CEP63: variants seen among roughly 807,000 people sequenced by gnomAD.
CEP63 encodes centrosomal protein 63.
CEP63 carries 84 observed loss-of-function variants against 89.1 expected under a neutral mutation model. The ratio of observed to expected loss-of-function variants is 0.94; its 90% confidence interval spans 0.79 to 1.13. CEP63 has a LOEUF of 1.13. CEP63 is among the 50% of genes most tolerant of loss of function. CEP63 has a pLI of 0.00. For synonymous variants in CEP63, 267 were observed against 272.5 expected (o/e 0.98, Z 0.20); for missense variants, 838 against 813.3 (o/e 1.03, Z -0.37).
chr3:134,556,239 A>G (rs2110038958), intron 12 of CEP63, among the ~76,000 whole-genome samples: 1 of 152,080 alleles, frequency 6.6e-6, no homozygotes, highest in East Asian at 1.9e-4. Flanking sequence ...CTAAAACACC[A>G]AAAGCAATGG....
the CEP63 span, among the ~76,000 whole-genome samples, chr3:134,748,923 G>T: frequency 6.6e-6 from 1 of 152,280 alleles, no homozygotes; most frequent in Non-Finnish European, 1.5e-5. Context: ...AGGGCATCTG[G>T]GCATGAGGGA....
the CEP63 span, among the ~76,000 whole-genome samples, chr3:134,776,265 A>C: frequency 5.3e-5 from 8 of 152,362 alleles, no homozygotes; most frequent in South Asian, 1.7e-3. Context: ...TAGAAATATA[A>C]TGCAAGCCAC....
At chr3:134,739,407 C>T in the CEP63 span, among the ~76,000 whole-genome samples, 1 of 152,184 alleles carries the variant, frequency 6.6e-6, no homozygotes, top group African/African-American at 2.4e-5. Context: ...TATGACCCAT[C>T]AAATTCTTCC....
the CEP63 span, among the ~76,000 whole-genome samples, chr3:134,666,710 A>G: frequency 1.5e-3 from 228 of 152,242 alleles, 2 homozygotes; most frequent in African/African-American, 5.3e-3. Flanking sequence ...CTGTTGGAGG[A>G]GTCTCTGTGG....
At chr3:134,606,994 A>C in the CEP63 span, 17 of 983,396 alleles carry the variant, frequency 1.7e-5, 1 homozygote, top group Middle Eastern at 5.2e-4. Context: ...TACTCTGTAC[A>C]TAAGTATCAG....
intron 3 of CEP63, among the ~76,000 whole-genome samples, chr3:134,529,922 G>A (rs1176161028): frequency 7.4e-6 from 1 of 135,740 alleles, no homozygotes; most frequent in African/African-American, 2.8e-5. Context: ...CGCCCAGGCT[G>A]GAGTGCAGTG....
At chr3:134,764,072 T>C in the CEP63 span, among the ~76,000 whole-genome samples, 2 of 152,244 alleles carry the variant, frequency 1.3e-5, no homozygotes, top group African/African-American at 4.8e-5. Context: ...ATGGGCAATT[T>C]AGAAGCATAT....
At chr3:134,486,652 G>GC (rs1935533921) in intron 1 of CEP63, 4 of 584,380 alleles carry the variant, frequency 6.8e-6, no homozygotes, top group Non-Finnish European at 8.6e-6. Context: ...TGCCAGGGCT[G>GC]CTGTCTAGCT....
the CEP63 span, among the ~76,000 whole-genome samples, chr3:134,699,037 T>C: frequency 6.6e-6 from 1 of 152,188 alleles, no homozygotes; most frequent in Non-Finnish European, 1.5e-5. Flanking sequence ...GTGGGCTTGC[T>C]TGGGGCTCTA....
chr3:134,627,178 T>C, the CEP63 span, among the ~76,000 whole-genome samples: 1 of 152,204 alleles, frequency 6.6e-6, no homozygotes, highest in East Asian at 1.9e-4. Flanking sequence ...TTATATAAGA[T>C]CTAAGTATGA....
At chr3:134,538,921 TTTAC>T (rs1202695269) in intron 6 of CEP63, among the ~76,000 whole-genome samples, 1 of 152,170 alleles carries the variant, frequency 6.6e-6, no homozygotes, top group Non-Finnish European at 1.5e-5. Context: ...AAATGGGATT[TTTAC>T]TTACTGTAAT....
chr3:134,782,483 A>T, the CEP63 span, among the ~76,000 whole-genome samples: 1 of 152,126 alleles, frequency 6.6e-6, no homozygotes, highest in Non-Finnish European at 1.5e-5. Context: ...TACTGTTTTA[A>T]AGTTTTACTC....
chr3:134,572,650 C>A (rs1958060151), intron 11 of CEP63, among the ~76,000 whole-genome samples: 1 of 152,160 alleles, frequency 6.6e-6, no homozygotes, highest in African/African-American at 2.4e-5. Flanking sequence ...TTTATCTAAT[C>A]CGCTATTGAT....
the CEP63 span, among the ~76,000 whole-genome samples, chr3:134,688,747 C>T: frequency 6.6e-6 from 1 of 152,150 alleles, no homozygotes; most frequent in East Asian, 1.9e-4. Flanking sequence ...CACCCACTTC[C>T]CCACCAAGCA....
chr3:134,524,330 A>G (rs1245682830), intron 3 of CEP63, among the ~76,000 whole-genome samples: 1 of 152,190 alleles, frequency 6.6e-6, no homozygotes, highest in Non-Finnish European at 1.5e-5. Flanking sequence ...GTCGTCTACA[A>G]ACAGGAATAG....
chr3:134,514,250 A>G (rs10935120), intron 3 of CEP63, among the ~76,000 whole-genome samples: 96,362 of 152,068 alleles, frequency 0.63, 31,257 homozygotes, highest in East Asian at 0.81. Flanking sequence ...TTAGTGAACT[A>G]GATGATGTGA....
At chr3:134,733,113 A>G in the CEP63 span, among the ~76,000 whole-genome samples, 3 of 152,180 alleles carry the variant, frequency 2.0e-5, no homozygotes, top group Non-Finnish European at 4.4e-5. Context: ...CCTTTGCTCC[A>G]TTATATTACA....
chr3:134,692,514 G>A, the CEP63 span, among the ~76,000 whole-genome samples: 1 of 152,070 alleles, frequency 6.6e-6, no homozygotes, highest in Non-Finnish European at 1.5e-5. Context: ...ATCTGCTTTT[G>A]TATCCAATCT....
the CEP63 span, among the ~76,000 whole-genome samples, chr3:134,701,316 G>GTATATATACGTATATGTGTGTA: frequency 3.4e-5 from 2 of 58,904 alleles, no homozygotes; most frequent in African/African-American, 7.3e-5. Flanking sequence ...GTATATATGT[G>GTATATATACGTATATGTGTGTA]TATATATACA....
Sources: gnomAD v4.1 joint callset for allele counts (sites outside exome capture counted in the v4.1 genomes callset) on GRCh38, gnomAD v4.1.1 for gene constraint, MANE v1.5 for transcripts, NCBI Gene and HGNC (gene_info 2026-07-23, HGNC 2026-07-21) for gene names.